RAB6B: variants seen among roughly 807,000 people sequenced by gnomAD.
RAB6B encodes ras-related protein Rab-6B.
In RAB6B, 7 loss-of-function variants were observed where a neutral mutation model predicts 31.2. That is an observed-to-expected ratio of 0.22 (90% confidence interval 0.13 to 0.42). The LOEUF (loss-of-function observed/expected upper bound fraction) is 0.42. Among genes scored for constraint, RAB6B ranks in the 10% least tolerant of loss-of-function variants. The probability of loss-of-function intolerance (pLI) is 1.00; values close to 1 mark genes in which losing one functional copy is unlikely to be tolerated. For synonymous variants in RAB6B, 105 were observed against 104.9 expected, an observed-to-expected ratio of 1.00 and a Z score of -0.01; for missense variants, 149 against 280.6, an observed-to-expected ratio of 0.53 and a Z score of 3.35.
At position 133,828,387 on chromosome 3, in the gene RAB6B, A is replaced by C; in HGVS notation, c.*401T>G. On this transcript the variant is annotated 3_prime_UTR_variant, in exon 8 of 8. Transcript: ENST00000285208. ...AGGTGATGAATGGTTCAAAGAGAAC[A>C]GGAAGGAGGAGGTGTGTGGAAAAGG... 2 of 353,576 alleles carry C rather than the reference A, an allele frequency of 5.7e-6. No individual in the cohort carries two copies. Among genetic ancestry groups the C allele is most frequent in the South Asian group, 3.2e-5 (1 of 30,802 alleles). The allele number at this position is 353,576 out of a possible 1,614,324, so 21.9% of individuals were successfully genotyped here.
rs1935698222 is a variant in RAB6B at position 133,834,235 on chromosome 3, G to C, written c.562+340C>G. ...CCCCAGTGACAGAGACTTCCCTGCA[G>C]TGGAGACTCTGCCTGTGTTCATGAA... is the stretch of plus-strand genomic sequence containing the variant. On this transcript the variant is annotated intron_variant, in intron 7 of 7. Transcript: ENST00000285208. Among the ~76,000 whole-genome samples the C allele has an allele frequency of 2.6e-5, 4 of 152,198 alleles. 1 individual carries two copies. The South Asian group carries it at 8.3e-4, about 32-fold the overall frequency.
chr3:133,865,334 A>G (rs1230524278), intron 1 of RAB6B, among the ~76,000 whole-genome samples: 2 of 152,250 alleles, frequency 1.3e-5, no homozygotes, highest in African/African-American at 4.8e-5. Context: ...AACTGAGAAC[A>G]ACTGGAACAG....
chr3:133,891,941 C>A (rs1936643455), intron 1 of RAB6B, among the ~76,000 whole-genome samples: 1 of 152,224 alleles, frequency 6.6e-6, no homozygotes, highest in Non-Finnish European at 1.5e-5. Context: ...CTGGAAGAGT[C>A]TTGGGGAAGG....
At chr3:133,887,719 C>T (rs2108015775) in intron 1 of RAB6B, among the ~76,000 whole-genome samples, 1 of 152,308 alleles carries the variant, frequency 6.6e-6, no homozygotes, top group South Asian at 2.1e-4. Flanking sequence ...TCAGGGTCTT[C>T]AGGGCCCTGG....
At chr3:133,831,542 C>A (rs931360901) in intron 7 of RAB6B, among the ~76,000 whole-genome samples, 1 of 152,242 alleles carries the variant, frequency 6.6e-6, no homozygotes, top group East Asian at 1.9e-4. Flanking sequence ...TAGGAGCCTT[C>A]CCAAAGGCTC....
At chr3:133,865,023 T>C (rs556837292) in intron 1 of RAB6B, among the ~76,000 whole-genome samples, 1 of 152,274 alleles carries the variant, frequency 6.6e-6, no homozygotes, top group East Asian at 1.9e-4. Context: ...CTTGCCCATG[T>C]ACACCTTGTT....
intron 1 of RAB6B, among the ~76,000 whole-genome samples, chr3:133,879,299 G>C (rs1443673249): frequency 6.6e-6 from 1 of 152,192 alleles, no homozygotes. Context: ...AGCACATTCA[G>C]AAAATGGCTT....
intron 1 of RAB6B, among the ~76,000 whole-genome samples, chr3:133,880,764 C>T (rs954432374): frequency 2.0e-5 from 3 of 152,230 alleles, no homozygotes; most frequent in African/African-American, 7.2e-5. Flanking sequence ...CCTGCAGAGC[C>T]AGGTGGTGAG....
Position 133,828,715 on chromosome 3 carries a change from C to T in RAB6B, c.*73G>A, listed in dbSNP as rs1285971710. On this transcript the variant is annotated 3_prime_UTR_variant, in exon 8 of 8. Coordinates refer to ENST00000285208, the MANE Select transcript of RAB6B (RefSeq NM_016577.4). The stretch of plus-strand genomic sequence containing the variant: ...TCTTGATAACTCGGTTCCCTCCCCC[C>T]TTAGGAAGCTAGCCAATAGGAAGCA... 2 of 1,487,802 alleles carry T rather than the reference C, an allele frequency of 1.3e-6. No homozygotes were observed. The highest frequency in any genetic ancestry group is 1.9e-6 in the Non-Finnish European group (2 of 1,070,134). 92.2% of individuals were successfully genotyped at this position (1,487,802 alleles called of 1,614,324 possible).
intron 2 of RAB6B, among the ~76,000 whole-genome samples, chr3:133,862,130 G>GA (rs5852768): frequency 3.1e-3 from 447 of 145,004 alleles, no homozygotes; most frequent in African/African-American, 8.4e-3. Flanking sequence ...CTGCAATATT[G>GA]AAAAAAAAAA....
chr3:133,842,630 A>C (rs899851363), intron 2 of RAB6B, among the ~76,000 whole-genome samples: 8 of 152,254 alleles, frequency 5.3e-5, no homozygotes, highest in Admixed American at 1.3e-4. Context: ...AGTTAAAAAA[A>C]CAAATAAACA....
intron 1 of RAB6B, among the ~76,000 whole-genome samples, chr3:133,879,721 T>C (rs1917781): frequency 0.32 from 48,464 of 152,090 alleles, 7,903 homozygotes; most frequent in South Asian, 0.37. Flanking sequence ...CATACCTCCA[T>C]GGTCAGCTCA....
intron 2 of RAB6B, among the ~76,000 whole-genome samples, chr3:133,863,130 C>T (rs1305389682): frequency 6.6e-6 from 1 of 152,192 alleles, no homozygotes; most frequent in African/African-American, 2.4e-5. Flanking sequence ...GTGAACATCC[C>T]ACAGTCCACA....
chr3:133,843,929 G>T (rs2107992832), intron 2 of RAB6B, among the ~76,000 whole-genome samples: 1 of 152,292 alleles, frequency 6.6e-6, no homozygotes, highest in Admixed American at 6.5e-5. Flanking sequence ...GCGCTGGACT[G>T]CTCAGATTGT....
chr3:133,880,413 G>C (rs553576789), intron 1 of RAB6B, among the ~76,000 whole-genome samples: 1 of 152,358 alleles, frequency 6.6e-6, no homozygotes, highest in South Asian at 2.1e-4. Flanking sequence ...CAAGGCCAAT[G>C]GGCCCGTAAC....
rs1023665958 is a variant in RAB6B, at chr3:133,884,629, G to T, written c.70+10768C>A. ...AGAGAAGTCCAGTGAGACAGGGAGG[G>T]ACAGGAAGCTGCATAACAGGGCTAG... On this transcript the variant is annotated intron_variant, in intron 1 of 7. Transcript: ENST00000285208. Among the ~76,000 whole-genome samples, 6 of 152,204 alleles carry T rather than the reference G, an allele frequency of 3.9e-5. No homozygotes were observed. In the East Asian group the frequency reaches 1.2e-3, roughly 29 times the overall value.
Position 133,841,941 on chromosome 3 carries a change from G to A in RAB6B, c.130-278C>T, listed in dbSNP as rs117952414. On this transcript the variant is annotated intron_variant, in intron 2 of 7. Coordinates refer to ENST00000285208, the MANE Select transcript of RAB6B (RefSeq NM_016577.4). ...GCAGTGAGAGCGCAGTGGTGAGGAG[G>A]CCTCCCCAGGAGCAAGGCCACTCAG... 1.5e-3 allele frequency among the ~76,000 whole-genome samples: 224 copies of A among 152,316 alleles called. 4 individuals are homozygous for A. The East Asian group carries it at 0.035, about 24-fold the overall frequency.
chr3:133,878,839 C>T (rs1172624334), intron 1 of RAB6B, among the ~76,000 whole-genome samples: 1 of 152,142 alleles, frequency 6.6e-6, no homozygotes, highest in Non-Finnish European at 1.5e-5. Context: ...CTATACCTAG[C>T]AAAAATCTTT....
At chr3:133,841,731 C>T in intron 2 of RAB6B, 68 bp from the exon 3 acceptor site, 1 of 1,535,952 alleles carries the variant, frequency 6.5e-7, no homozygotes, top group South Asian at 1.2e-5. Context: ...AGCCTAGCGA[C>T]CACAGGTGGT....
Sources: gnomAD v4.1 joint callset for allele counts (sites outside exome capture counted in the v4.1 genomes callset) on GRCh38, gnomAD v4.1.1 for gene constraint, MANE v1.5 for transcripts, NCBI Gene and HGNC (gene_info 2026-07-23, HGNC 2026-07-21) for gene names.